The following HERC4 variants were observed in gnomAD, a reference collection of about 807,000 sequenced individuals.
The protein encoded by HERC4 is HECT and RLD domain containing E3 ubiquitin protein ligase 4, also known as probable E3 ubiquitin-protein ligase HERC4.
In HERC4, 28 loss-of-function variants were observed where a neutral mutation model predicts 124.3. The ratio of observed to expected loss-of-function variants is 0.23; its 90% CI spans 0.17 to 0.31. HERC4 has a LOEUF of 0.31. HERC4 is among the 10% of genes least tolerant of loss of function. The pLI is 1.00. For missense variants in HERC4, 713 were observed against 1,229.3 expected, an observed-to-expected ratio of 0.58 and a Z score of 6.28; for synonymous variants, 407 against 421.5, an observed-to-expected ratio of 0.97 and a Z score of 0.42.
chr10:67,959,429 A>T (rs1307799356), intron 16 of HERC4, among the ~76,000 whole-genome samples: 4 of 152,136 alleles, frequency 2.6e-5, no homozygotes, highest in African/African-American at 9.7e-5. Flanking sequence ...ATTTAGGCAG[A>T]ATAAGAAAAC....
chr10:68,012,706 G>A (rs995866257), intron 9 of HERC4, among the ~76,000 whole-genome samples: 32 of 152,114 alleles, frequency 2.1e-4, no homozygotes, highest in Admixed American at 2.1e-3. Context: ...ACCAAAATGT[G>A]ACATAAAGAC....
chr10:68,061,879 T>TAAAAAAAAAA (rs71470503), intron 3 of HERC4, among the ~76,000 whole-genome samples: 32 of 54,880 alleles, frequency 5.8e-4, no homozygotes, highest in African/African-American at 2.2e-3. Flanking sequence ...AGACTCCATT[T>TAAAAAAAAAA]AAAAAAAAAA....
chr10:67,979,753 G>A (rs897508464), intron 15 of HERC4, among the ~76,000 whole-genome samples: 5 of 152,150 alleles, frequency 3.3e-5, no homozygotes, highest in African/African-American at 9.6e-5. Flanking sequence ...CAGCTAACAC[G>A]GTGAAACCTC....
At chr10:68,027,366 G>C (rs1394308419) in intron 7 of HERC4, among the ~76,000 whole-genome samples, 1 of 152,048 alleles carries the variant, frequency 6.6e-6, no homozygotes, top group African/African-American at 2.4e-5. Flanking sequence ...TTCCCTTTTG[G>C]GGGTATTTTC....
chr10:67,990,454 AAG>A, intron 13 of HERC4, 54 bp from the exon 14 acceptor site: 4 of 953,356 alleles, frequency 4.2e-6, no homozygotes, highest in South Asian at 2.8e-5. Context: ...TACACTTTCA[AAG>A]AAAAAAAAAA....
chr10:67,965,418 ATTGT>A (rs548261884), intron 16 of HERC4: 178 of 152,286 alleles, frequency 1.2e-3, no homozygotes, highest in African/African-American at 4.0e-3. Context: ...ACAGATTCTC[ATTGT>A]TTGTTGAATA....
chr10:68,059,504 TATAATATTATATATC>T (rs1564607105), intron 3 of HERC4, among the ~76,000 whole-genome samples: 1 of 107,974 alleles, frequency 9.3e-6, no homozygotes, highest in Non-Finnish European at 1.7e-5. Context: ...CATTATATAT[TATAATATTATATATC>T]ATAATAATAT....
At chr10:67,932,900 A>G (rs1564920227) in intron 22 of HERC4, 120 bp from the exon 23 acceptor site, 1 of 814,538 alleles carries the variant, frequency 1.2e-6, no homozygotes, top group Admixed American at 3.4e-5. Flanking sequence ...GAAACTGAGA[A>G]TGTATGAGTA....
chr10:67,990,513 C>T, intron 13 of HERC4, 113 bp from the exon 14 acceptor site: 1 of 560,898 alleles, frequency 1.8e-6, no homozygotes, highest in East Asian at 3.2e-5. Context: ...TTTTGCACTA[C>T]AGCAAATATG....
intron 7 of HERC4, among the ~76,000 whole-genome samples, chr10:68,026,458 T>C (rs2038906590): frequency 6.6e-6 from 1 of 151,880 alleles, no homozygotes; most frequent in Non-Finnish European, 1.5e-5. Flanking sequence ...AAACTCCCTA[T>C]AAAAACATAT....
chr10:67,987,136 C>T (rs566056984), intron 15 of HERC4, among the ~76,000 whole-genome samples: 1 of 152,222 alleles, frequency 6.6e-6, no homozygotes, highest in South Asian at 2.1e-4. Flanking sequence ...TAGAATGAGT[C>T]CATCAAAAAG....
At chr10:68,053,131 T>C (rs1321310684) in intron 3 of HERC4, among the ~76,000 whole-genome samples, 1 of 152,178 alleles carries the variant, frequency 6.6e-6, no homozygotes, top group African/African-American at 2.4e-5. Context: ...TTATGTCCTA[T>C]AAAATCACCA....
chr10:67,958,181 T>C (rs1185819681), intron 16 of HERC4, among the ~76,000 whole-genome samples: 5 of 152,216 alleles, frequency 3.3e-5, no homozygotes, highest in African/African-American at 1.2e-4. Flanking sequence ...GTACGTAGTT[T>C]AAATATTTTA....
At chr10:67,966,829 A>G (rs781453920) in intron 15 of HERC4, 27 bp from the exon 16 acceptor site, 1 of 1,519,554 alleles carries the variant, frequency 6.6e-7, no homozygotes, top group Non-Finnish European at 8.8e-7. Context: ...AATTGACATT[A>G]AATTTAACCA....
In HERC4 at chr10:67,992,635, G is replaced by A; in HGVS notation, c.1117C>T (p.Gln373Ter). 6.5e-7 allele frequency: 1 copy of A among 1,549,826 alleles called. No homozygotes were observed. The highest frequency in any genetic ancestry group is 1.1e-5 in the South Asian group (1 of 87,262). ...CVKRIFSGGD[Q>*]SFSHYSSPQN... ...GGACTAGAGTAATGTGAAAAGCTTT[G>A]ATCTCCCCCTGAGAAAATTCTTTTT... Residue 373 changes from glutamine to a stop codon, truncating the protein, a stop_gained, in exon 10 of 25, where the codon CAA (glutamine) becomes TAA (stop). Coordinates refer to ENST00000373700, the MANE Select transcript of HERC4 (RefSeq NM_015601.4). LOFTEE classifies it high-confidence loss of function.
rs1001125606 is a variant in HERC4, at chr10:67,978,739, G to T, written c.1806+9924C>A. 2.6e-5 allele frequency among the ~76,000 whole-genome samples: 4 copies of T among 152,210 alleles called. No individual in the cohort carries two copies. In the South Asian group the frequency reaches 8.3e-4, roughly 32 times the overall value. ...TGGTAGCATCGCCACAGGGGTGCTT[G>T]TGTCACTCCACCCCCAGCTCCAGGT... On this transcript the variant is annotated intron_variant, in intron 15 of 24. Transcript: ENST00000373700.
chr10:68,033,863 C>G (rs2039332335), intron 6 of HERC4, 102 bp downstream of exon 6: 1 of 920,374 alleles, frequency 1.1e-6, no homozygotes, highest in Non-Finnish European at 1.7e-6. Flanking sequence ...ACCTCTATAC[C>G]AGGGAAGATA....
intron 4 of HERC4, chr10:68,040,085 T>C: frequency 2.3e-6 from 2 of 881,416 alleles, no homozygotes; most frequent in South Asian, 5.2e-5. Context: ...TAATTAATAG[T>C]ACGTAATGAA....
At chr10:68,038,318 A>T in intron 4 of HERC4, 149 bp from the exon 5 acceptor site, 1 of 450,742 alleles carries the variant, frequency 2.2e-6, no homozygotes, top group Non-Finnish European at 3.9e-6. Context: ...CGTACCAAAA[A>T]TTTATGCTAA....
Sources: gnomAD v4.1 joint callset for allele counts (sites outside exome capture counted in the v4.1 genomes callset) on GRCh38, gnomAD v4.1.1 for gene constraint, MANE v1.5 for transcripts, NCBI Gene and HGNC (gene_info 2026-07-23, HGNC 2026-07-21) for gene names.